The following CHFR variants were observed in gnomAD, a reference collection of about 807,000 sequenced individuals.
The protein encoded by CHFR is checkpoint with forkhead and ring finger domains.
In CHFR, 57 loss-of-function variants were observed where a neutral mutation model predicts 87.6. That is an observed-to-expected ratio of 0.65 (90% CI 0.53 to 0.81). The LOEUF (loss-of-function observed/expected upper bound fraction) is 0.81, where lower values mean the gene tolerates loss of function less well. CHFR is among the 30% of genes least tolerant of loss of function. CHFR has a pLI of 0.00. For missense variants in CHFR, 797 were observed against 865.8 expected, an observed-to-expected ratio of 0.92 and a Z score of 1.00; for synonymous variants, 381 against 359.2, an observed-to-expected ratio of 1.06 and a Z score of -0.69.
At chr12:132,864,844 G>A (rs3685) in intron 6 of CHFR, among the ~76,000 whole-genome samples, 40,080 of 152,142 alleles carry the variant, frequency 0.26, 5,591 homozygotes, top group Middle Eastern at 0.42. Context: ...CCCTTTTTAA[G>A]TAGAACATTA....
At chr12:132,879,256 A>C (rs543570180) in intron 2 of CHFR, among the ~76,000 whole-genome samples, 1 of 151,912 alleles carries the variant, frequency 6.6e-6, no homozygotes. Flanking sequence ...CAGCCTCCCA[A>C]AGTGTTGGGA....
intron 5 of CHFR, 78 bp downstream of exon 5, chr12:132,870,646 C>T (rs1345859557): frequency 3.7e-5 from 38 of 1,034,878 alleles, no homozygotes; most frequent in Non-Finnish European, 5.2e-5. Flanking sequence ...GGTAACAGAG[C>T]GAGACTCCAT....
At chr12:132,851,846 CG>C in intron 11 of CHFR, 109 bp from the exon 12 acceptor site, 2 of 1,356,672 alleles carry the variant, frequency 1.5e-6, no homozygotes, top group South Asian at 1.6e-5. Flanking sequence ...CTGAGACAGC[CG>C]GGGAAGAAGC....
At position 132,877,671 on chromosome 12, in the gene CHFR, G is replaced by A. The variant is rs1737240423; in HGVS notation, c.134-17C>T. The A allele has an allele frequency of 2.0e-6, 3 of 1,526,684 alleles. No homozygotes were observed. The highest frequency in any genetic ancestry group is 2.3e-5 in the East Asian group (1 of 44,434). The allele number at this position is 1,526,684 out of a possible 1,614,324, so 94.6% of individuals were successfully genotyped here. Reference sequence around the variant, plus strand: ...GGTCGCAACCTAAAAAAGAGAGGGTGGGTCAACACGGGATATGATCGTGGT... The same window carrying A: ...GGTCGCAACCTAAAAAAGAGAGGGTAGGTCAACACGGGATATGATCGTGGT... On this transcript the variant is annotated splice_polypyrimidine_tract_variant and intron_variant, in intron 2 of 17. Transcript: ENST00000450056.
At chr12:132,848,586 C>T in intron 13 of CHFR, 55 bp downstream of exon 13, 1 of 1,383,334 alleles carries the variant, frequency 7.2e-7, no homozygotes, top group Non-Finnish European at 1.0e-6. Context: ...CCCTCAAGTT[C>T]ACCAAGAGAA....
At chr12:132,854,305 T>C (rs1401738632) in intron 10 of CHFR, 1 of 152,186 alleles carries the variant, frequency 6.6e-6, no homozygotes, top group Non-Finnish European at 1.5e-5. Flanking sequence ...GTGCATTAGG[T>C]GCACCCTTTC....
At chr12:132,887,406 C>T (rs1951925581) in intron 1 of CHFR, 66 bp from the exon 2 acceptor site, 5 of 1,176,626 alleles carry the variant, frequency 4.2e-6, no homozygotes, top group South Asian at 3.9e-5. Context: ...GGCGCCCGCC[C>T]CACCCCGCGG....
chr12:132,870,641 C>G (rs1951468739), intron 5 of CHFR, 83 bp downstream of exon 5: 1 of 980,420 alleles, frequency 1.0e-6, no homozygotes, highest in Non-Finnish European at 1.6e-6. Context: ...GCCTGGGTAA[C>G]AGAGCGAGAC....
chr12:132,841,316 C>A lies in CHFR; in HGVS notation c.*238G>T. 2 of 458,250 alleles carry A rather than the reference C, an allele frequency of 4.4e-6. No homozygotes were observed. The highest frequency in any genetic ancestry group is 8.1e-5 in the South Asian group (2 of 24,804). 28.4% of individuals were successfully genotyped at this position (458,250 alleles called of 1,614,324 possible). Reference sequence around the variant, plus strand: ...AAAGGCTTCGTCTCTGCTGCTGATGCCACCACGAGCCCTGCCCAGCGCTCA... The same window carrying A: ...AAAGGCTTCGTCTCTGCTGCTGATGACACCACGAGCCCTGCCCAGCGCTCA... On this transcript the variant is annotated 3_prime_UTR_variant, in exon 18 of 18. Coordinates refer to ENST00000450056, the MANE Select transcript of CHFR (RefSeq NM_001161346.2).
At chr12:132,884,028 G>A (rs1417571685) in intron 2 of CHFR, among the ~76,000 whole-genome samples, 1 of 152,150 alleles carries the variant, frequency 6.6e-6, no homozygotes, top group Non-Finnish European at 1.5e-5. Context: ...GCTCAGGCAG[G>A]AGAATCACTT....
chr12:132,883,626 T>A (rs7954854), intron 2 of CHFR, among the ~76,000 whole-genome samples: 1 of 150,754 alleles, frequency 6.6e-6, no homozygotes, highest in Non-Finnish European at 1.5e-5. Context: ...ACTTGGGAGG[T>A]TGAGGCAGGA....
chr12:132,862,554 T>C (rs922145087), intron 6 of CHFR: 4 of 349,090 alleles, frequency 1.1e-5, no homozygotes, highest in Non-Finnish European at 2.2e-5. Context: ...CAGTGAGCCA[T>C]GACCACATCA....
intron 13 of CHFR, 185 bp from the exon 14 acceptor site, chr12:132,848,340 T>TA (rs1950870334): frequency 8.8e-7 from 1 of 1,142,178 alleles, no homozygotes; most frequent in African/African-American, 1.5e-5. Flanking sequence ...ACTCCCTCCT[T>TA]AAAAAGATCA....
At chr12:132,879,688 C>T (rs1951721261) in intron 2 of CHFR, among the ~76,000 whole-genome samples, 1 of 152,172 alleles carries the variant, frequency 6.6e-6, no homozygotes, top group African/African-American at 2.4e-5. Flanking sequence ...CAGCGCCCGG[C>T]CCTGAATACA....
chr12:132,875,314 A>G (rs1951605849), intron 3 of CHFR, among the ~76,000 whole-genome samples: 1 of 152,250 alleles, frequency 6.6e-6, no homozygotes. Context: ...ACATACTGCT[A>G]GAAGACCACC....
chr12:132,853,880 G>A (rs1459864993), intron 10 of CHFR: 2 of 395,284 alleles, frequency 5.1e-6, no homozygotes, highest in Non-Finnish European at 9.1e-6. Context: ...GCAGGGCAAG[G>A]GCCAGCACGT....
In CHFR at chr12:132,834,033, C is replaced by G. The variant is rs977757026; in HGVS notation, c.*7521G>C. The G allele has an allele frequency of 2.6e-5, 4 of 152,264 alleles. No homozygotes were observed. The highest frequency in any genetic ancestry group is 5.9e-5 in the Non-Finnish European group (4 of 68,188). The allele number at this position is 152,264 out of a possible 1,614,324, so 9.4% of individuals were successfully genotyped here. ...GCAACAATCAGAGCCACAAGAAGCC[C>G]CTGAAGAGAAGCCTGGGGCACTGAG... On this transcript the variant is annotated 3_prime_UTR_variant, in exon 18 of 18. Transcript: ENST00000450056.
At chr12:132,860,697 A>G (rs1951192253) in intron 7 of CHFR, among the ~76,000 whole-genome samples, 1 of 152,260 alleles carries the variant, frequency 6.6e-6, no homozygotes, top group African/African-American at 2.4e-5. Context: ...TTCAATGTGA[A>G]GATTTAAGCT....
At position 132,832,763 on chromosome 12, in the gene CHFR, C is replaced by T. The variant is rs746372113; in HGVS notation, c.*8791G>A. ...AGTAAAATTCTTAACAGCTTTAATA[C>T]AATTTCTATGCAATAAAATATACCC... On this transcript the variant is annotated 3_prime_UTR_variant, in exon 18 of 18. Coordinates refer to ENST00000450056, the MANE Select transcript of CHFR (RefSeq NM_001161346.2). The T allele has an allele frequency of 6.6e-6, 1 of 152,192 alleles. No individual in the cohort carries two copies. The highest frequency in any genetic ancestry group is 1.5e-5 in the Non-Finnish European group (1 of 68,032). The allele number at this position is 152,192 out of a possible 1,614,324, so 9.4% of individuals were successfully genotyped here. A position where few individuals can be genotyped will look rare whatever the true frequency, so the allele number is the denominator to read the frequency against.
Sources: allele counts gnomAD v4.1 joint callset (sites outside exome capture counted in the v4.1 genomes callset), GRCh38; gene constraint gnomAD v4.1.1; transcripts MANE v1.5; gene names NCBI Gene and HGNC (gene_info 2026-07-23, HGNC 2026-07-21).